Variants in RASSF8 observed in about 807,000 individuals in gnomAD.
The protein encoded by RASSF8 is Ras association domain family member 8.
RASSF8 carries 22 observed loss-of-function variants against 48.5 expected under a neutral mutation model. That is an observed-to-expected ratio of 0.45 (90% CI 0.32 to 0.65). The LOEUF is 0.65. RASSF8 is among the 30% of genes least tolerant of loss of function. The pLI, the probability that RASSF8 is intolerant of heterozygous loss-of-function variation, is 0.03. For synonymous variants in RASSF8, 127 were observed against 171.5 expected (o/e 0.74, Z 2.03); for missense variants, 418 against 489.2 (o/e 0.85, Z 1.37).
At chr12:25,976,837 G>A (rs1019598715) in intron 1 of RASSF8, among the ~76,000 whole-genome samples, 4 of 152,088 alleles carry the variant, frequency 2.6e-5, no homozygotes, top group African/African-American at 7.2e-5. Context: ...CCCCTGCTGC[G>A]TTAAGAACAA....
chr12:26,033,109 C>A (rs769971566), intron 2 of RASSF8, among the ~76,000 whole-genome samples: 27 of 152,040 alleles, frequency 1.8e-4, no homozygotes, highest in Non-Finnish European at 2.4e-4. Flanking sequence ...GAGGTAAATA[C>A]TAAGGATGGT....
intron 2 of RASSF8, among the ~76,000 whole-genome samples, chr12:26,035,194 A>G (rs1287424916): frequency 2.6e-5 from 4 of 151,906 alleles, no homozygotes; most frequent in Non-Finnish European, 5.9e-5. Context: ...CTCTTGTATG[A>G]TAAGTTGTAG....
rs538496963 is a variant in RASSF8 at position 26,039,313 on chromosome 12, G to A, written c.-108-15923G>A. ...CATAGTTCCCTTGTGAGACTGGGGG[G>A]GATAATAGCAGGTCCAGGTGGGCAG... On this transcript the variant is annotated intron_variant, in intron 2 of 5. Coordinates refer to ENST00000689635, the MANE Select transcript of RASSF8 (RefSeq NM_001394098.1). Among the ~76,000 whole-genome samples, 16 of 152,240 alleles carry A rather than the reference G, an allele frequency of 1.1e-4. No individual in the cohort carries two copies. The South Asian group carries it at 2.9e-3, about 28-fold the overall frequency.
intron 2 of RASSF8, among the ~76,000 whole-genome samples, chr12:26,050,351 A>G (rs1446487873): frequency 6.6e-6 from 1 of 152,228 alleles, no homozygotes; most frequent in East Asian, 1.9e-4. Context: ...AGAAGTTTAT[A>G]CTTTTTAAGT....
At chr12:26,034,713 T>A (rs1000710922) in intron 2 of RASSF8, among the ~76,000 whole-genome samples, 2 of 152,098 alleles carry the variant, frequency 1.3e-5, no homozygotes, top group African/African-American at 2.4e-5. Flanking sequence ...ACTTTTTACA[T>A]CCTAGCTAGA....
At chr12:26,039,659 T>C (rs1348149238) in intron 2 of RASSF8, among the ~76,000 whole-genome samples, 2 of 152,212 alleles carry the variant, frequency 1.3e-5, no homozygotes, top group Non-Finnish European at 2.9e-5. Context: ...ACAGTACCAG[T>C]AGTTGGTGAT....
At chr12:26,060,021 C>T (rs1428844919) in intron 3 of RASSF8, among the ~76,000 whole-genome samples, 1 of 152,120 alleles carries the variant, frequency 6.6e-6, no homozygotes, top group East Asian at 1.9e-4. Context: ...CCTCAGCCTC[C>T]CGAGTAGCTG....
At chr12:26,032,902 G>A (rs536534611) in intron 2 of RASSF8, among the ~76,000 whole-genome samples, 1 of 152,270 alleles carries the variant, frequency 6.6e-6, no homozygotes, top group South Asian at 2.1e-4. Flanking sequence ...AAAGCTGTTA[G>A]AGTAAACATC....
At chr12:25,988,055 G>T (rs946033630) in intron 1 of RASSF8, among the ~76,000 whole-genome samples, 7 of 151,022 alleles carry the variant, frequency 4.6e-5, no homozygotes, top group African/African-American at 1.7e-4. Flanking sequence ...TAGAGACAAG[G>T]TTTCACCATG....
At chr12:25,975,018 TA>T (rs1941572051) in intron 1 of RASSF8, among the ~76,000 whole-genome samples, 1 of 152,176 alleles carries the variant, frequency 6.6e-6, no homozygotes, top group African/African-American at 2.4e-5. Context: ...TGAAGTGTGA[TA>T]ATGGATAAAA....
intron 1 of RASSF8, among the ~76,000 whole-genome samples, chr12:25,963,593 T>A (rs971977110): frequency 2.0e-5 from 3 of 152,222 alleles, no homozygotes; most frequent in African/African-American, 7.2e-5. Context: ...TCTAGTTTTG[T>A]ATCTTATAGA....
intron 2 of RASSF8, among the ~76,000 whole-genome samples, chr12:26,004,507 C>T (rs986219185): frequency 5.9e-5 from 9 of 152,080 alleles, no homozygotes; most frequent in African/African-American, 2.2e-4. Context: ...CTACTAATAG[C>T]CTATTGTTGA....
At chr12:25,991,033 T>TA (rs1208823794) in intron 1 of RASSF8, among the ~76,000 whole-genome samples, 1 of 152,184 alleles carries the variant, frequency 6.6e-6, no homozygotes, top group East Asian at 1.9e-4. Context: ...ACCAGAGCAA[T>TA]AAACTCTTCT....
At chr12:25,985,910 G>A (rs1276664605) in intron 1 of RASSF8, among the ~76,000 whole-genome samples, 1 of 152,178 alleles carries the variant, frequency 6.6e-6, no homozygotes, top group East Asian at 1.9e-4. Context: ...TTAACTACCT[G>A]TGCCTCTCGT....
chr12:25,989,616 A>G (rs958805187), intron 1 of RASSF8, among the ~76,000 whole-genome samples: 1 of 152,032 alleles, frequency 6.6e-6, no homozygotes, highest in Non-Finnish European at 1.5e-5. Context: ...AAAAATGATT[A>G]CTTAGCTATT....
chr12:26,026,685 C>T (rs942165491), intron 2 of RASSF8, among the ~76,000 whole-genome samples: 2 of 152,156 alleles, frequency 1.3e-5, no homozygotes, highest in African/African-American at 4.8e-5. Flanking sequence ...ATCCGCCCAC[C>T]TCGGCCCCCC....
chr12:25,982,222 G>A (rs1255807983), intron 1 of RASSF8, among the ~76,000 whole-genome samples: 1 of 152,210 alleles, frequency 6.6e-6, no homozygotes, highest in African/African-American at 2.4e-5. Context: ...ATTTTTAAAT[G>A]AGAGATTGAG....
intron 2 of RASSF8, among the ~76,000 whole-genome samples, chr12:26,051,450 A>G (rs959688388): frequency 5.9e-5 from 9 of 152,316 alleles, no homozygotes; most frequent in Admixed American, 5.2e-4. Context: ...GAACCCATCA[A>G]TACATAACCT....
At chr12:25,991,069 A>G (rs1019893424) in intron 1 of RASSF8, among the ~76,000 whole-genome samples, 8 of 152,180 alleles carry the variant, frequency 5.3e-5, no homozygotes, top group African/African-American at 1.9e-4. Context: ...AGAAATGTCA[A>G]TATTGTCCAT....
Sources: gnomAD v4.1 joint callset for allele counts (sites outside exome capture counted in the v4.1 genomes callset) on GRCh38, gnomAD v4.1.1 for gene constraint, MANE v1.5 for transcripts, NCBI Gene and HGNC (gene_info 2026-07-23, HGNC 2026-07-21) for gene names.